BMPR2: variants seen among roughly 807,000 people sequenced by gnomAD.
BMPR2 encodes the protein bone morphogenetic protein receptor type 2, also known as bone morphogenetic protein receptor type-2.
A neutral mutation model predicts 100.8 loss-of-function variants in BMPR2; 29 were observed. The observed-to-expected ratio is 0.29, with a 90% CI of 0.21 to 0.39. The LOEUF is 0.39. BMPR2 is among the 10% of genes least tolerant of loss of function. The pLI, the probability that BMPR2 is intolerant of heterozygous loss-of-function variation, is 1.00. For synonymous variants in BMPR2, 382 were observed against 442.3 expected (o/e 0.86, Z 1.71); for missense variants, 1,011 against 1,274.5 (o/e 0.79, Z 3.15).
chr2:202,401,516 C>T (rs563606267), intron 1 of BMPR2, among the ~76,000 whole-genome samples: 4 of 152,236 alleles, frequency 2.6e-5, no homozygotes, highest in East Asian at 1.9e-4. Flanking sequence ...AAGTGTGGCA[C>T]GCCAACTGAA....
At chr2:202,415,453 A>C (rs1305065386) in intron 1 of BMPR2, among the ~76,000 whole-genome samples, 1 of 152,216 alleles carries the variant, frequency 6.6e-6, no homozygotes, top group Non-Finnish European at 1.5e-5. Context: ...CCTGGGCAAC[A>C]AGAGCGGAAC....
intron 1 of BMPR2, among the ~76,000 whole-genome samples, chr2:202,446,380 A>G (rs952301886): frequency 6.7e-6 from 1 of 150,120 alleles, no homozygotes; most frequent in Non-Finnish European, 1.5e-5. Context: ...CTGGGGCAAC[A>G]AGAGCGAAAC....
At chr2:202,457,833 G>A (rs913154100) in intron 1 of BMPR2, among the ~76,000 whole-genome samples, 3 of 151,988 alleles carry the variant, frequency 2.0e-5, no homozygotes, top group African/African-American at 4.8e-5. Flanking sequence ...GGGTTCAAGC[G>A]ATTCTCCTGC....
chr2:202,522,838 AAG>A (rs1306024849), intron 7 of BMPR2, among the ~76,000 whole-genome samples: 1 of 152,180 alleles, frequency 6.6e-6, no homozygotes, highest in Admixed American at 6.6e-5. Flanking sequence ...TAAAAAAAAA[AAG>A]AAAAATGAAT....
intron 3 of BMPR2, among the ~76,000 whole-genome samples, chr2:202,490,700 A>G (rs1428721375): frequency 2.6e-5 from 4 of 152,214 alleles, no homozygotes; most frequent in African/African-American, 9.6e-5. Context: ...AGGTTTGCAG[A>G]CAGAAATATG....
intron 1 of BMPR2, among the ~76,000 whole-genome samples, chr2:202,424,600 G>T (rs944093863): frequency 2.3e-4 from 35 of 151,996 alleles, no homozygotes; most frequent in Non-Finnish European, 3.2e-4. Context: ...GGAGGCTGAG[G>T]CAGGAGCATT....
intron 1 of BMPR2, among the ~76,000 whole-genome samples, chr2:202,389,516 G>C (rs1052169034): frequency 2.1e-4 from 23 of 110,766 alleles, no homozygotes; most frequent in African/African-American, 7.9e-4. Context: ...GACAGAGTAA[G>C]ATTCCATCTC....
intron 1 of BMPR2, among the ~76,000 whole-genome samples, chr2:202,401,325 A>G (rs1179881081): frequency 6.6e-6 from 1 of 152,220 alleles, no homozygotes; most frequent in African/African-American, 2.4e-5. Context: ...TATCATTTGT[A>G]TTAATAGATG....
intron 1 of BMPR2, among the ~76,000 whole-genome samples, chr2:202,384,616 G>A (rs568177408): frequency 2.8e-4 from 15 of 53,580 alleles, no homozygotes; most frequent in East Asian, 1.8e-3. Context: ...TTCTTTCGAC[G>A]GAGTTTTGCT....
intron 1 of BMPR2, among the ~76,000 whole-genome samples, chr2:202,435,376 CATAT>C (rs141854934): frequency 0.28 from 28,454 of 103,302 alleles, 3,998 homozygotes; most frequent in African/African-American, 0.38. Context: ...AAAAAAAATA[CATAT>C]ATATATATAT....
intron 1 of BMPR2, among the ~76,000 whole-genome samples, chr2:202,458,699 G>C (rs1014717792): frequency 3.3e-5 from 5 of 151,966 alleles, no homozygotes; most frequent in Admixed American, 3.3e-4. Flanking sequence ...TTTATTTGAC[G>C]TGTATTTTTT....
chr2:202,432,652 TTGAC>T (rs1691530983), intron 1 of BMPR2, among the ~76,000 whole-genome samples: 2 of 150,662 alleles, frequency 1.3e-5, no homozygotes, highest in African/African-American at 5.0e-5. Flanking sequence ...ATAGTTTGTG[TTGAC>T]TGTTTATTTT....
chr2:202,393,342 A>G (rs973344561), intron 1 of BMPR2, among the ~76,000 whole-genome samples: 1 of 152,170 alleles, frequency 6.6e-6, no homozygotes, highest in Non-Finnish European at 1.5e-5. Context: ...TTCTATCTCC[A>G]CCCAAACTGC....
Position 202,440,721 on chromosome 2 carries a change from G to A in BMPR2, c.77-24088G>A, listed in dbSNP as rs116230714. On this transcript the variant is annotated intron_variant, in intron 1 of 12. Transcript: ENST00000374580. ...TGAGGCAGGAGAATTCAGGCAGGGAGGTTGCAGTGAGCCGAGATGGTGGCA... is the reference window on the plus strand; with the variant it reads ...TGAGGCAGGAGAATTCAGGCAGGGAAGTTGCAGTGAGCCGAGATGGTGGCA... 3.2e-3 allele frequency among the ~76,000 whole-genome samples: 484 copies of A among 150,576 alleles called. 44 individuals are homozygous for A. Among genetic ancestry groups the A allele is most frequent in the African/African-American group, 0.011 (422 of 39,930 alleles).
chr2:202,424,695 C>CA (rs1335237908), intron 1 of BMPR2, among the ~76,000 whole-genome samples: 14 of 151,750 alleles, frequency 9.2e-5, no homozygotes, highest in Admixed American at 9.2e-4. Context: ...CACTCCGTCT[C>CA]AAAAAATAAA....
chr2:202,535,123 G>A (rs398089064), intron 9 of BMPR2, among the ~76,000 whole-genome samples: 3 of 132,500 alleles, frequency 2.3e-5, no homozygotes, highest in South Asian at 2.5e-4. Context: ...GCGGCTGGCC[G>A]GGCGGGGGGC....
Position 202,542,804 on chromosome 2 carries a change from A to C in BMPR2, c.1413+357A>C, listed in dbSNP as rs79181154. Among the ~76,000 whole-genome samples, 14 of 152,318 alleles carry C rather than the reference A, an allele frequency of 9.2e-5. No homozygotes were observed. In the East Asian group the frequency reaches 2.7e-3, roughly 29 times the overall value. On this transcript the variant is annotated intron_variant, in intron 10 of 12. Transcript: ENST00000374580. ...CAAAACTGTTAAGTAGTGCAGGCTT[A>C]CATAACCAATGGCTAATGAAAATTT... is the stretch of plus-strand genomic sequence containing the variant.
chr2:202,380,603 C>G (rs1441924935), intron 1 of BMPR2, among the ~76,000 whole-genome samples: 11 of 151,536 alleles, frequency 7.3e-5, no homozygotes, highest in Non-Finnish European at 5.9e-5. Context: ...TTTATATCAT[C>G]AGTCCTGATT....
At chr2:202,559,419 C>A (rs985824580) in intron 12 of BMPR2, among the ~76,000 whole-genome samples, 1 of 152,086 alleles carries the variant, frequency 6.6e-6, no homozygotes, top group Non-Finnish European at 1.5e-5. Context: ...GAGAATACAG[C>A]TGAGAAGTTT....
Sources: gnomAD v4.1 joint callset for allele counts (sites outside exome capture counted in the v4.1 genomes callset) on GRCh38, gnomAD v4.1.1 for gene constraint, MANE v1.5 for transcripts, NCBI Gene and HGNC (gene_info 2026-07-23, HGNC 2026-07-21) for gene names.